PRKN: variants seen among roughly 807,000 people sequenced by gnomAD.
The protein encoded by PRKN is E3 ubiquitin-protein ligase parkin.
In PRKN, 56 loss-of-function variants were observed where a neutral mutation model predicts 59.5. The ratio of observed to expected loss-of-function variants is 0.94; its 90% CI spans 0.76 to 1.18. The LOEUF (loss-of-function observed/expected upper bound fraction) is 1.18, where lower values mean the gene tolerates loss of function less well. PRKN is among the 50% of genes most tolerant of loss of function. The pLI is 0.00. For synonymous variants in PRKN, 250 were observed against 222.1 expected (o/e 1.13, Z -1.12); for missense variants, 657 against 596.4 (o/e 1.10, Z -1.06).
intron 7 of PRKN, among the ~76,000 whole-genome samples, chr6:161,755,324 T>A (rs1196276530): frequency 6.6e-6 from 1 of 152,028 alleles, no homozygotes; most frequent in African/African-American, 2.4e-5. Context: ...GCAGCCTCCC[T>A]ACACTATCTC....
At chr6:162,125,771 T>A (rs1781100383) in intron 4 of PRKN, among the ~76,000 whole-genome samples, 1 of 152,210 alleles carries the variant, frequency 6.6e-6, no homozygotes, top group Admixed American at 6.5e-5. Context: ...CATTTAAAGA[T>A]GATACATGGC....
intron 7 of PRKN, among the ~76,000 whole-genome samples, chr6:161,656,452 C>T (rs1046671045): frequency 6.6e-6 from 1 of 152,148 alleles, no homozygotes; most frequent in Non-Finnish European, 1.5e-5. Flanking sequence ...TAAGCTAACC[C>T]CACAGGACAG....
chr6:162,226,955 G>T (rs1048344323), intron 3 of PRKN, among the ~76,000 whole-genome samples: 1 of 152,202 alleles, frequency 6.6e-6, no homozygotes, highest in Non-Finnish European at 1.5e-5. Flanking sequence ...GAGCACAGAA[G>T]TTCATTCTCT....
At chr6:161,822,605 G>A (rs918264034) in intron 6 of PRKN, among the ~76,000 whole-genome samples, 7 of 152,196 alleles carry the variant, frequency 4.6e-5, no homozygotes, top group Non-Finnish European at 7.3e-5. Context: ...GAACCTTGGA[G>A]GCAGAGGTTG....
At chr6:162,126,904 T>A (rs1030728229) in intron 4 of PRKN, among the ~76,000 whole-genome samples, 1 of 152,210 alleles carries the variant, frequency 6.6e-6, no homozygotes, top group Non-Finnish European at 1.5e-5. Flanking sequence ...CTTTCCCATG[T>A]TCTCTCACTG....
chr6:161,950,310 C>T (rs999444756), intron 6 of PRKN, among the ~76,000 whole-genome samples: 4 of 152,020 alleles, frequency 2.6e-5, no homozygotes, highest in African/African-American at 7.2e-5. Flanking sequence ...TTTGGGAGGC[C>T]GAGGTGGGCA....
intron 10 of PRKN, among the ~76,000 whole-genome samples, chr6:161,365,152 A>G (rs1785150574): frequency 1.4e-5 from 2 of 143,040 alleles, no homozygotes; most frequent in South Asian, 4.2e-4. Context: ...AAGAGTCAAA[A>G]GAAAGGCAAG....
chr6:161,980,253 G>C lies in PRKN; in HGVS notation c.619-6836C>G, dbSNP rs1403707345. On this transcript the variant is annotated intron_variant, in intron 5 of 11. Transcript: ENST00000366898. ...AATATTGTATCTATCTTCACAAAGA[G>C]TTAAATTCCATTCTTGTCTCCAAAT... is the stretch of plus-strand genomic sequence containing the variant. Among the ~76,000 whole-genome samples, 3 of 152,082 alleles carry C rather than the reference G, an allele frequency of 2.0e-5. No homozygotes were observed. In the East Asian group the frequency reaches 5.8e-4, roughly 29 times the overall value.
intron 4 of PRKN, among the ~76,000 whole-genome samples, chr6:162,169,527 A>C (rs887807112): frequency 6.6e-6 from 1 of 152,248 alleles, no homozygotes; most frequent in African/African-American, 2.4e-5. Context: ...TAGACAAACC[A>C]TAAATGTGCA....
At chr6:162,580,068 G>C (rs1403614024) in intron 1 of PRKN, among the ~76,000 whole-genome samples, 1 of 152,200 alleles carries the variant, frequency 6.6e-6, no homozygotes, top group Non-Finnish European at 1.5e-5. Flanking sequence ...GAAGTGGGCT[G>C]AAGAGTTTGG....
intron 4 of PRKN, among the ~76,000 whole-genome samples, chr6:162,185,748 C>A (rs923761323): frequency 2.0e-5 from 3 of 152,116 alleles, no homozygotes; most frequent in African/African-American, 7.2e-5. Context: ...TCAGCGGCAT[C>A]CATGGCCTCA....
intron 2 of PRKN, among the ~76,000 whole-genome samples, chr6:162,288,107 C>T (rs574412828): frequency 2.5e-4 from 38 of 152,294 alleles, no homozygotes; most frequent in African/African-American, 8.9e-4. Context: ...GACGGAAGCA[C>T]TGAATATGCC....
chr6:161,415,355 A>T (rs1209188695), intron 9 of PRKN, among the ~76,000 whole-genome samples: 1 of 152,142 alleles, frequency 6.6e-6, no homozygotes, highest in African/African-American at 2.4e-5. Flanking sequence ...CTTAGAGTCA[A>T]ATCTAGATTT....
intron 6 of PRKN, among the ~76,000 whole-genome samples, chr6:161,863,678 C>G (rs1371205300): frequency 2.0e-5 from 3 of 152,184 alleles, no homozygotes; most frequent in Non-Finnish European, 4.4e-5. Context: ...CTTCCCGCCT[C>G]TACTCCAGGT....
intron 7 of PRKN, among the ~76,000 whole-genome samples, chr6:161,574,339 A>G (rs957076064): frequency 6.6e-6 from 1 of 152,164 alleles, no homozygotes; most frequent in African/African-American, 2.4e-5. Context: ...GGGCCTGGCG[A>G]ATAAAAACCA....
intron 7 of PRKN, among the ~76,000 whole-genome samples, chr6:161,625,939 C>T (rs1162721507): frequency 6.6e-6 from 1 of 152,164 alleles, no homozygotes; most frequent in Admixed American, 6.5e-5. Flanking sequence ...CACCCAAAGT[C>T]ATCCAGTATA....
Position 161,393,797 on chromosome 6 carries a change from C to A in PRKN, c.1084-6920G>T, listed in dbSNP as rs1412976997. On this transcript the variant is annotated intron_variant, in intron 9 of 11. Coordinates refer to ENST00000366898, the MANE Select transcript of PRKN (RefSeq NM_004562.3). The surrounding 1 kb of genome is among the most constrained non-coding windows in gnomAD (Gnocchi z 4.7). ...TGCCTGTTTTCTATCATGGCTGCAT[C>A]TATTATAAAAGCATTCTATTATGTG... Among the ~76,000 whole-genome samples the A allele has an allele frequency of 6.6e-6, 1 of 152,028 alleles. No individual in the cohort carries two copies. Among genetic ancestry groups the A allele is most frequent in the Non-Finnish European group, 1.5e-5 (1 of 68,022 alleles).
intron 9 of PRKN, among the ~76,000 whole-genome samples, chr6:161,394,163 T>C (rs572276675): frequency 6.6e-6 from 1 of 151,986 alleles, no homozygotes; most frequent in African/African-American, 2.4e-5. Flanking sequence ...AACACAATTT[T>C]GAAAAGAAGA....
chr6:162,706,529 C>T (rs932139854), intron 1 of PRKN, among the ~76,000 whole-genome samples: 12 of 152,278 alleles, frequency 7.9e-5, no homozygotes, highest in African/African-American at 2.2e-4. Flanking sequence ...TAAAAGCAAG[C>T]GCAGTGCAAA....
Sources: gnomAD v4.1 joint callset for allele counts (sites outside exome capture counted in the v4.1 genomes callset) on GRCh38, gnomAD v4.1.1 for gene constraint, Gnocchi (gnomAD v3.1) non-coding constraint, MANE v1.5 for transcripts, NCBI Gene and HGNC (gene_info 2026-07-23, HGNC 2026-07-21) for gene names.